Variants in SCAMP1 observed in about 807,000 individuals in gnomAD.
The protein encoded by SCAMP1 is secretory carrier membrane protein 1.
In SCAMP1, 15 loss-of-function variants were observed where a neutral mutation model predicts 41.8. The ratio of observed to expected loss-of-function variants is 0.36; its 90% CI spans 0.24 to 0.55. The LOEUF is 0.55. Ranked by LOEUF, SCAMP1 falls within the 20% of genes least tolerant of loss-of-function variation. The pLI is 0.86. For missense variants in SCAMP1, 341 were observed against 412.6 expected (o/e 0.83, Z 1.50); for synonymous variants, 135 against 136.8 (o/e 0.99, Z 0.09).
chr5:78,464,276 TG>T (rs1753687444), intron 8 of SCAMP1, among the ~76,000 whole-genome samples: 1 of 152,164 alleles, frequency 6.6e-6, no homozygotes, highest in African/African-American at 2.4e-5. Context: ...CCTGAGTAGC[TG>T]GGATTACAGG....
At position 78,480,525 on chromosome 5, in the gene SCAMP1, G is replaced by A. The variant is rs554093504; in HGVS notation, c.*4857G>A. 6.6e-6 allele frequency among the ~76,000 whole-genome samples: 1 copy of A among 152,234 alleles called. No homozygotes were observed. The highest frequency in any genetic ancestry group is 1.9e-4 in the East Asian group (1 of 5,182). ...TGTAGTAGTATTCAGGTATTTTGGGGATGGGGGAAAACACCAAAAATCAGT... is the reference window on the plus strand; with the variant it reads ...TGTAGTAGTATTCAGGTATTTTGGGAATGGGGGAAAACACCAAAAATCAGT... On this transcript the variant is annotated 3_prime_UTR_variant, in exon 9 of 9. Transcript: ENST00000621999.
chr5:78,384,105 T>A (rs1324139502), intron 1 of SCAMP1, among the ~76,000 whole-genome samples: 1 of 152,084 alleles, frequency 6.6e-6, no homozygotes, highest in East Asian at 1.9e-4. Flanking sequence ...CTATGATTTC[T>A]TTCAGCAGTG....
At chr5:78,460,949 G>A (rs145266479) in intron 8 of SCAMP1, among the ~76,000 whole-genome samples, 47 of 151,602 alleles carry the variant, frequency 3.1e-4, no homozygotes, top group African/African-American at 3.2e-4. Context: ...TCCACCTCCC[G>A]TGTTCACACA....
At chr5:78,401,013 C>A (rs773733909) in intron 2 of SCAMP1, among the ~76,000 whole-genome samples, 8 of 152,064 alleles carry the variant, frequency 5.3e-5, no homozygotes, top group Non-Finnish European at 1.0e-4. Context: ...GGAAGTTCCC[C>A]TCTATTCCTA....
At chr5:78,450,976 A>G in intron 7 of SCAMP1, among the ~76,000 whole-genome samples, 1 of 152,194 alleles carries the variant, frequency 6.6e-6, no homozygotes, top group East Asian at 1.9e-4. Flanking sequence ...TATTATTTTA[A>G]ATAGTGTCTA....
At chr5:78,465,546 A>C (rs1023845880) in intron 8 of SCAMP1, among the ~76,000 whole-genome samples, 1 of 152,198 alleles carries the variant, frequency 6.6e-6, no homozygotes, top group African/African-American at 2.4e-5. Context: ...AAGAGTAACC[A>C]CTTTCATAGG....
At position 78,478,888 on chromosome 5, in the gene SCAMP1, T is replaced by C. The variant is rs1272879568; in HGVS notation, c.*3220T>C. The C allele has an allele frequency of 6.6e-6, 1 of 152,158 alleles. No homozygotes were observed. Among genetic ancestry groups the C allele is most frequent in the Non-Finnish European group, 1.5e-5 (1 of 67,986 alleles). The allele number at this position is 152,158 out of a possible 1,614,324, so 9.4% of individuals were successfully genotyped here. On this transcript the variant is annotated 3_prime_UTR_variant, in exon 9 of 9. Transcript: ENST00000621999. ...GCAAGTTTGGATTTTTACACCTAAT[T>C]TACTAGGAAAATATTTTATTCTGTA...
At chr5:78,382,812 T>C (rs1382261462) in intron 1 of SCAMP1, among the ~76,000 whole-genome samples, 6 of 51,752 alleles carry the variant, frequency 1.2e-4, no homozygotes, top group Admixed American at 4.9e-4. Flanking sequence ...TGTGTGTGTG[T>C]GTGTGTGCGC....
chr5:78,420,190 G>A (rs912330852), intron 5 of SCAMP1, among the ~76,000 whole-genome samples: 1 of 152,030 alleles, frequency 6.6e-6, no homozygotes, highest in Non-Finnish European at 1.5e-5. Flanking sequence ...TGAGTAGCTG[G>A]GACTACAGGC....
Position 78,416,645 on chromosome 5 carries a change from A to G in SCAMP1, c.339A>G (p.Gln113=). The G allele has an allele frequency of 1.3e-6, 2 of 1,577,242 alleles. No individual in the cohort carries two copies. The highest frequency in any genetic ancestry group is 1.7e-6 in the Non-Finnish European group (2 of 1,160,704). The change falls in exon 4 of 9, where the codon CAA becomes CAG. Residue 113 remains glutamine (Q), a synonymous_variant. Coordinates refer to ENST00000621999, the MANE Select transcript of SCAMP1 (RefSeq NM_004866.6). ...AACGAGAAATGCAAAACCTCAGTCA[A>G]CATGGTAGTATCCAAAGAAATTTGA... ...RREREMQNLS[Q]HGRKNNWPPL...
chr5:78,464,014 T>C (rs1260538864), intron 8 of SCAMP1, among the ~76,000 whole-genome samples: 2 of 152,206 alleles, frequency 1.3e-5, no homozygotes, highest in African/African-American at 2.4e-5. Flanking sequence ...AGAATCTGTC[T>C]GTCGCCAGGC....
chr5:78,376,047 C>T (rs557310385), intron 1 of SCAMP1, among the ~76,000 whole-genome samples: 2 of 152,228 alleles, frequency 1.3e-5, no homozygotes, highest in South Asian at 2.1e-4. Context: ...TGTTCATACA[C>T]CCCCTCCCCT....
At chr5:78,426,872 C>T (rs779974919) in intron 6 of SCAMP1, among the ~76,000 whole-genome samples, 10 of 152,080 alleles carry the variant, frequency 6.6e-5, no homozygotes, top group Non-Finnish European at 1.3e-4. Flanking sequence ...GAGGTTTATT[C>T]GGGCTGCAGA....
intron 7 of SCAMP1, among the ~76,000 whole-genome samples, chr5:78,458,213 A>C (rs996971002): frequency 1.3e-5 from 2 of 151,914 alleles, no homozygotes; most frequent in Non-Finnish European, 2.9e-5. Flanking sequence ...TCCTCTCCGC[A>C]TGTTTAGTTT....
chr5:78,382,811 G>GTGTGTGTT lies in SCAMP1; in HGVS notation c.58-6019_58-6018insTTGTGTGT, dbSNP rs1554041429. Among the ~76,000 whole-genome samples the GTGTGTGTT allele has an allele frequency of 5.9e-3, 410 of 69,270 alleles. 3 individuals carry two copies. The highest frequency in any genetic ancestry group is 0.015 in the African/African-American group (368 of 24,784). The allele number at this position is 69,270 out of a possible 152,430, so 45.4% of individuals were successfully genotyped here. A position where few individuals can be genotyped will look rare whatever the true frequency, so the allele number is the denominator to read the frequency against. ...TGTGTGTGTGTGTGTGTGTGTGTGT[G>GTGTGTGTT]TGTGTGTGCGCCACATTTTCTGTAT... is the stretch of plus-strand genomic sequence containing the variant. On this transcript the variant is annotated intron_variant, in intron 1 of 8. Coordinates refer to ENST00000621999, the MANE Select transcript of SCAMP1 (RefSeq NM_004866.6).
At chr5:78,376,822 AT>A (rs1369085192) in intron 1 of SCAMP1, among the ~76,000 whole-genome samples, 1 of 151,900 alleles carries the variant, frequency 6.6e-6, no homozygotes, top group Non-Finnish European at 1.5e-5. Flanking sequence ...TGGAGGAGGG[AT>A]TTTTTTGTTT....
At chr5:78,422,517 G>A (rs1752362801) in intron 6 of SCAMP1, among the ~76,000 whole-genome samples, 1 of 152,026 alleles carries the variant, frequency 6.6e-6, no homozygotes. Flanking sequence ...CAGTGGTTAG[G>A]GTTAACATTT....
intron 6 of SCAMP1, among the ~76,000 whole-genome samples, chr5:78,422,559 G>C (rs1752363952): frequency 6.6e-6 from 1 of 151,080 alleles, no homozygotes; most frequent in South Asian, 2.1e-4. Flanking sequence ...ATATTAATAG[G>C]TGCTGGGGGA....
chr5:78,418,973 T>G, intron 5 of SCAMP1, 70 bp downstream of exon 5: 2 of 1,315,900 alleles, frequency 1.5e-6, no homozygotes, highest in Non-Finnish European at 2.1e-6. Flanking sequence ...CATTTTTATT[T>G]CAAGGATAGT....
Sources: gnomAD v4.1 joint callset for allele counts (sites outside exome capture counted in the v4.1 genomes callset) on GRCh38, gnomAD v4.1.1 for gene constraint, MANE v1.5 for transcripts, NCBI Gene and HGNC (gene_info 2026-07-23, HGNC 2026-07-21) for gene names.